C2CD5: variants seen among roughly 807,000 people sequenced by gnomAD.
C2CD5 encodes the protein C2 calcium dependent domain containing 5.
Under a neutral mutation model 130.3 loss-of-function variants are expected in C2CD5, and 109 were observed. That is an observed-to-expected ratio of 0.84 (90% CI 0.72 to 0.98). The LOEUF (loss-of-function observed/expected upper bound fraction) is 0.98, where lower values mean the gene tolerates loss of function less well. Among genes scored for constraint, C2CD5 ranks in the 50% least tolerant of loss-of-function variants. C2CD5 has a pLI of 0.00. For synonymous variants in C2CD5, 454 were observed against 429.2 expected (o/e 1.06, Z -0.71); for missense variants, 996 against 1,261.8 (o/e 0.79, Z 3.19).
chr12:22,543,979 T>A (rs1451403484), intron 2 of C2CD5, 82 bp downstream of exon 2: 4 of 1,070,998 alleles, frequency 3.7e-6, no homozygotes, highest in Non-Finnish European at 5.7e-6. Context: ...GGGAATAGGC[T>A]GAGGGGCTGG....
rs188139547 is a variant in C2CD5 at position 22,537,631 on chromosome 12, C to T, written c.91-2287G>A. ...TAAAGTAAAGCATTCTCTTTACCTA[C>T]TCATTAGCTAAATTACCTTGAGAAA... On this transcript the variant is annotated intron_variant, in intron 2 of 26. Transcript: ENST00000446597. 3.7e-4 allele frequency among the ~76,000 whole-genome samples: 57 copies of T among 152,286 alleles called. 1 individual carries two copies. The highest frequency in any genetic ancestry group is 1.3e-3 in the African/African-American group (56 of 41,560).
intron 9 of C2CD5, among the ~76,000 whole-genome samples, chr12:22,509,649 T>C (rs1948967234): frequency 6.6e-6 from 1 of 152,266 alleles, no homozygotes; most frequent in South Asian, 2.1e-4. Flanking sequence ...GATTGTTAAG[T>C]ACCTATCATC....
At chr12:22,473,445 C>A (rs556677762) in intron 16 of C2CD5, among the ~76,000 whole-genome samples, 1 of 152,250 alleles carries the variant, frequency 6.6e-6, no homozygotes, top group East Asian at 1.9e-4. Context: ...ACAGTCACAG[C>A]CATACCTCAA....
intron 15 of C2CD5, 62 bp from the exon 16 acceptor site, chr12:22,474,953 T>A: frequency 1.7e-6 from 2 of 1,155,896 alleles, no homozygotes; most frequent in Non-Finnish European, 1.2e-6. Flanking sequence ...AAATTTTACA[T>A]CTTTATATTA....
At chr12:22,487,664 A>G (rs1945725299) in intron 12 of C2CD5, among the ~76,000 whole-genome samples, 2 of 152,178 alleles carry the variant, frequency 1.3e-5, no homozygotes, top group African/African-American at 2.4e-5. Context: ...GGGATCTAGA[A>G]CTAGAAATAC....
chr12:22,459,406 A>C (rs1940648926), intron 23 of C2CD5, 86 bp downstream of exon 23: 1 of 850,262 alleles, frequency 1.2e-6, no homozygotes. Flanking sequence ...TGTCCAGTGC[A>C]TTTTCTTCAA....
intron 25 of C2CD5, among the ~76,000 whole-genome samples, chr12:22,455,170 G>A (rs113389091): frequency 5.3e-5 from 8 of 152,248 alleles, no homozygotes; most frequent in African/African-American, 1.9e-4. Flanking sequence ...TCTTTTTGTA[G>A]TTAGGGAATT....
intron 4 of C2CD5, 30 bp from the exon 5 acceptor site, chr12:22,525,735 T>C: frequency 9.7e-7 from 1 of 1,032,486 alleles, no homozygotes; most frequent in Non-Finnish European, 1.5e-6. Flanking sequence ...ATCAAGTTTC[T>C]ACCTTAAGAA....
intron 2 of C2CD5, among the ~76,000 whole-genome samples, chr12:22,536,787 G>C (rs1005591499): frequency 6.6e-6 from 1 of 152,086 alleles, no homozygotes; most frequent in African/African-American, 2.4e-5. Flanking sequence ...AGGGGTTTTC[G>C]AGTTATATTT....
chr12:22,506,057 G>C (rs1410221208), intron 10 of C2CD5, among the ~76,000 whole-genome samples: 1 of 152,114 alleles, frequency 6.6e-6, no homozygotes, highest in African/African-American at 2.4e-5. Context: ...GTGTGTTCAA[G>C]TTACACAATG....
At position 22,484,903 on chromosome 12, in the gene C2CD5, A is replaced by T. The variant is rs759852052; in HGVS notation, c.1359-15T>A. On this transcript the variant is annotated splice_polypyrimidine_tract_variant and intron_variant, in intron 12 of 26. Coordinates refer to ENST00000446597, the MANE Select transcript of C2CD5 (RefSeq NM_001286176.2). Reference sequence around the variant, plus strand: ...TTTCTTCAAGCCTATATAAATAAATAAAAAAATAAGATATTCTTTAAAAAT... The same window carrying T: ...TTTCTTCAAGCCTATATAAATAAATTAAAAAATAAGATATTCTTTAAAAAT... 7.7e-7 allele frequency: 1 copy of T among 1,297,386 alleles called. No individual in the cohort carries two copies. Among genetic ancestry groups the T allele is most frequent in the Non-Finnish European group, 1.0e-6 (1 of 968,062 alleles). 80.4% of individuals were successfully genotyped at this position (1,297,386 alleles called of 1,614,324 possible).
chr12:22,519,068 C>G (rs1950032740), intron 7 of C2CD5: 1 of 1,511,510 alleles, frequency 6.6e-7, no homozygotes, highest in Admixed American at 2.0e-5. Context: ...AGCCACTCTG[C>G]CCGTGGCCTG....
rs762844060 is a variant in C2CD5 at position 22,474,882 on chromosome 12, C to A, written c.1912G>T (p.Glu638Ter). Reference protein sequence around the residue: ...LYEINPPEISEEIIGSPIPEP... With the variant: ...LYEINPPEIS The stretch of plus-strand genomic sequence containing the variant: ...GGGATGGGTGATCCTATAATCTCTT[C>A]AGATATCTCCTAAAAGAAATATAAT... Residue 638 changes from glutamate (E) to a stop codon, truncating the protein, a stop_gained, in exon 16 of 27, where the codon GAA becomes TAA. Coordinates refer to ENST00000446597, the MANE Select transcript of C2CD5 (RefSeq NM_001286176.2). LOFTEE classifies it high-confidence loss of function. 1 of 1,571,578 alleles carries A rather than the reference C, an allele frequency of 6.4e-7. No individual in the cohort carries two copies. Among genetic ancestry groups the A allele is most frequent in the East Asian group, 2.3e-5 (1 of 44,112 alleles).
chr12:22,513,479 A>C (rs1165560234), intron 8 of C2CD5, 100 bp from the exon 9 acceptor site: 3 of 777,752 alleles, frequency 3.9e-6, no homozygotes, highest in Non-Finnish European at 4.6e-6. Context: ...GAAATGTGAT[A>C]AAATGATCGA....
At chr12:22,467,441 A>G (rs1421157625) in intron 22 of C2CD5, among the ~76,000 whole-genome samples, 1 of 152,174 alleles carries the variant, frequency 6.6e-6, no homozygotes, top group Non-Finnish European at 1.5e-5. Flanking sequence ...GCCCAGCTGA[A>G]CACACTTAAA....
chr12:22,487,152 C>T (rs1945651128), intron 12 of C2CD5, among the ~76,000 whole-genome samples: 1 of 152,128 alleles, frequency 6.6e-6, no homozygotes, highest in African/African-American at 2.4e-5. Flanking sequence ...TGGACAAGGA[C>T]TTCATGTCTA....
At chr12:22,503,177 G>A (rs1948027195) in intron 10 of C2CD5, among the ~76,000 whole-genome samples, 1 of 152,106 alleles carries the variant, frequency 6.6e-6, no homozygotes, top group Non-Finnish European at 1.5e-5. Context: ...TCTATAGTGA[G>A]AATGAAACAA....
chr12:22,544,127 T>C lies in C2CD5; in HGVS notation c.24A>G (p.Lys8=). 1 of 1,613,950 alleles carries C rather than the reference T, an allele frequency of 6.2e-7. No homozygotes were observed. The highest frequency in any genetic ancestry group is 8.5e-7 in the Non-Finnish European group (1 of 1,179,946). The change falls in exon 2 of 27, where the codon AAA becomes AAG. Residue 8 remains lysine (K), a synonymous_variant. Transcript: ENST00000446597. MPGKLKV[K]IVAGRHLPVM... ...CTGGCAAATGGCGCCCGGCCACGAT[T>C]TTCACCTTCAGCTTCCCTGGCATGG...
rs888270754 is a variant in C2CD5, at chr12:22,517,873, T to G, written c.952+113A>C. The G allele has an allele frequency of 4.9e-6, 4 of 823,344 alleles. No homozygotes were observed. In the African/African-American group the frequency reaches 7.0e-5, roughly 14 times the overall value. The allele number at this position is 823,344 out of a possible 1,614,324, so 51.0% of individuals were successfully genotyped here. ...CTGAAAATGGTCAGTATTCACATTTTCTTTTTAACTTAAGTGCCAAAAACA... is the reference window on the plus strand; with the variant it reads ...CTGAAAATGGTCAGTATTCACATTTGCTTTTTAACTTAAGTGCCAAAAACA... On this transcript the variant is annotated intron_variant, in intron 8 of 26. Coordinates refer to ENST00000446597, the MANE Select transcript of C2CD5 (RefSeq NM_001286176.2).
Sources: allele counts gnomAD v4.1 joint callset (sites outside exome capture counted in the v4.1 genomes callset), GRCh38; gene constraint gnomAD v4.1.1; transcripts MANE v1.5; gene names NCBI Gene and HGNC (gene_info 2026-07-23, HGNC 2026-07-21).